KIF13B: variants seen among roughly 807,000 people sequenced by gnomAD.
KIF13B encodes kinesin-like protein KIF13B.
KIF13B carries 127 observed loss-of-function variants against 222.0 expected under a neutral mutation model. That is an observed-to-expected ratio of 0.57 (90% CI 0.50 to 0.66). The LOEUF (loss-of-function observed/expected upper bound fraction) is 0.66. KIF13B is among the 30% of genes least tolerant of loss of function. The pLI is 0.00. For synonymous variants in KIF13B, 976 were observed against 919.0 expected (o/e 1.06, Z -1.12); for missense variants, 2,173 against 2,379.0 (o/e 0.91, Z 1.80).
chr8:29,136,990 C>T (rs995626390), intron 21 of KIF13B, among the ~76,000 whole-genome samples: 4 of 151,644 alleles, frequency 2.6e-5, no homozygotes, highest in South Asian at 4.2e-4. Flanking sequence ...TTAGTAGAGA[C>T]GGGGTTTCAC....
intron 37 of KIF13B, among the ~76,000 whole-genome samples, chr8:29,081,080 T>C (rs1240079369): frequency 6.6e-6 from 1 of 152,226 alleles, no homozygotes; most frequent in Non-Finnish European, 1.5e-5. Context: ...GCATGGTGTA[T>C]TTCTGCGGCT....
intron 24 of KIF13B, among the ~76,000 whole-genome samples, chr8:29,128,726 C>T (rs931992659): frequency 6.6e-6 from 1 of 152,088 alleles, no homozygotes; most frequent in Non-Finnish European, 1.5e-5. Flanking sequence ...GTTTACTGTT[C>T]CACAGAAAAA....
chr8:29,102,259 A>G (rs899191221), intron 35 of KIF13B, among the ~76,000 whole-genome samples: 1 of 151,688 alleles, frequency 6.6e-6, no homozygotes, highest in Non-Finnish European at 1.5e-5. Flanking sequence ...CTTCTCCTCC[A>G]GTAATCTACA....
chr8:29,186,691 C>T (rs1322415833), intron 5 of KIF13B, among the ~76,000 whole-genome samples: 3 of 152,124 alleles, frequency 2.0e-5, no homozygotes, highest in Non-Finnish European at 4.4e-5. Context: ...GGTGCGGTGG[C>T]TCACGCCTGT....
chr8:29,194,560 A>T (rs1247998346), intron 3 of KIF13B, among the ~76,000 whole-genome samples: 1 of 152,180 alleles, frequency 6.6e-6, no homozygotes, highest in Non-Finnish European at 1.5e-5. Flanking sequence ...CCAATATGAA[A>T]GTGCCACAGC....
chr8:29,216,063 C>T (rs1814464962), intron 2 of KIF13B, among the ~76,000 whole-genome samples: 1 of 152,170 alleles, frequency 6.6e-6, no homozygotes, highest in Middle Eastern at 3.4e-3. Flanking sequence ...TTCACCTGCT[C>T]GTTTAAAGTT....
At chr8:29,159,868 C>T (rs1218936693) in intron 13 of KIF13B, among the ~76,000 whole-genome samples, 1 of 152,346 alleles carries the variant, frequency 6.6e-6, no homozygotes, top group East Asian at 1.9e-4. Flanking sequence ...TCTCTCCAGG[C>T]TTTTCTGAAA....
In KIF13B at chr8:29,118,420, G is replaced by A. The variant is rs113301368; in HGVS notation, c.3660+448C>T. Among the ~76,000 whole-genome samples, 810 of 151,494 alleles carry A rather than the reference G, an allele frequency of 5.3e-3. 4 individuals are homozygous for A. Among genetic ancestry groups the A allele is most frequent in the African/African-American group, 0.017 (711 of 41,244 alleles). On this transcript the variant is annotated intron_variant, in intron 30 of 39. Coordinates refer to ENST00000524189, the MANE Select transcript of KIF13B (RefSeq NM_015254.4). ...TGAGGCAGGAGAATCACTTGAACCC[G>A]GGAGGCAGAGGCTGCAGTGAGCCAA... is the stretch of plus-strand genomic sequence containing the variant.
At chr8:29,227,219 T>C (rs1389636634) in intron 2 of KIF13B, among the ~76,000 whole-genome samples, 1 of 151,864 alleles carries the variant, frequency 6.6e-6, no homozygotes, top group African/African-American at 2.4e-5. Flanking sequence ...TCTCAAGTTA[T>C]GAAATATTTA....
rs950163636 is a variant in KIF13B, at chr8:29,123,509, G to A, written c.3353-17C>T. The A allele has an allele frequency of 1.9e-6, 3 of 1,613,162 alleles. No homozygotes were observed. Among genetic ancestry groups the A allele is most frequent in the Non-Finnish European group, 2.5e-6 (3 of 1,179,638 alleles). ...CTGTTTTATCTAGAACATCGAGAAT[G>A]AGGATTCAATGACAAAACTTCACTT... is the stretch of plus-strand genomic sequence containing the variant. On this transcript the variant is annotated splice_polypyrimidine_tract_variant and intron_variant, in intron 27 of 39. Transcript: ENST00000524189.
intron 34 of KIF13B, among the ~76,000 whole-genome samples, chr8:29,108,453 C>T (rs145986397): frequency 6.6e-6 from 1 of 152,188 alleles, no homozygotes; most frequent in Non-Finnish European, 1.5e-5. Flanking sequence ...TGGACCTGAA[C>T]AAGAGATGTC....
intron 2 of KIF13B, among the ~76,000 whole-genome samples, chr8:29,197,789 G>C (rs537397940): frequency 6.6e-6 from 1 of 152,314 alleles, no homozygotes; most frequent in Non-Finnish European, 1.5e-5. Flanking sequence ...ACTAAGTCCG[G>C]TTGGACAAGC....
intron 37 of KIF13B, among the ~76,000 whole-genome samples, chr8:29,091,205 AT>A (rs1808284490): frequency 6.6e-6 from 1 of 152,172 alleles, no homozygotes; most frequent in African/African-American, 2.4e-5. Context: ...CAATCACTAC[AT>A]TTGTTTCTAA....
At chr8:29,262,628 G>A (rs1439386014) in intron 1 of KIF13B, among the ~76,000 whole-genome samples, 1 of 151,736 alleles carries the variant, frequency 6.6e-6, no homozygotes, top group African/African-American at 2.4e-5. Flanking sequence ...GCGAGGCTGA[G>A]GGGCCAGGAC....
chr8:29,218,487 G>T (rs750043584), intron 2 of KIF13B, among the ~76,000 whole-genome samples: 4 of 152,196 alleles, frequency 2.6e-5, no homozygotes, highest in Non-Finnish European at 5.9e-5. Flanking sequence ...AGAGACAGAA[G>T]ATGTTAGTTT....
intron 12 of KIF13B, among the ~76,000 whole-genome samples, chr8:29,163,068 G>T (rs1811851179): frequency 6.6e-6 from 1 of 152,150 alleles, no homozygotes; most frequent in Non-Finnish European, 1.5e-5. Context: ...TCAAGGTTTT[G>T]ATTTCACTTA....
chr8:29,174,098 T>C (rs1429482787), intron 10 of KIF13B, among the ~76,000 whole-genome samples: 1 of 152,220 alleles, frequency 6.6e-6, no homozygotes, highest in African/African-American at 2.4e-5. Context: ...TCACCTTACA[T>C]GGTTATCTTT....
chr8:29,132,305 C>T lies in KIF13B; in HGVS notation c.2942+3G>A, dbSNP rs1396762034. The T allele has an allele frequency of 3.4e-6, 5 of 1,487,480 alleles. No homozygotes were observed. Among genetic ancestry groups the T allele is most frequent in the African/African-American group, 1.4e-5 (1 of 69,360 alleles). The allele number at this position is 1,487,480 out of a possible 1,614,324, so 92.1% of individuals were successfully genotyped here. A position where few individuals can be genotyped will look rare whatever the true frequency, so the allele number is the denominator to read the frequency against. On this transcript the variant is annotated splice_donor_region_variant and intron_variant, in intron 23 of 39. Transcript: ENST00000524189. ...TGGAATCAGATGAACATCTAATATT[C>T]ACCTGTCCCGAAGACTACGTGTCTT...
chr8:29,090,193 G>A (rs898206334), intron 37 of KIF13B, among the ~76,000 whole-genome samples: 3 of 152,172 alleles, frequency 2.0e-5, no homozygotes, highest in African/African-American at 7.2e-5. Flanking sequence ...AGGCACTGCA[G>A]GGCACTGTGA....
Sources: gnomAD v4.1 joint callset for allele counts (sites outside exome capture counted in the v4.1 genomes callset) on GRCh38, gnomAD v4.1.1 for gene constraint, MANE v1.5 for transcripts, NCBI Gene and HGNC (gene_info 2026-07-23, HGNC 2026-07-21) for gene names.